Variants in ALDH5A1 observed in about 807,000 individuals in gnomAD.
ALDH5A1 encodes aldehyde dehydrogenase 5 family member A1, also known as succinate-semialdehyde dehydrogenase, mitochondrial.
In ALDH5A1, 33 loss-of-function variants were observed where a neutral mutation model predicts 54.7. The ratio of observed to expected loss-of-function variants is 0.60; its 90% CI spans 0.46 to 0.81. The LOEUF (loss-of-function observed/expected upper bound fraction) is 0.81. Among genes scored for constraint, ALDH5A1 ranks in the 30% least tolerant of loss-of-function variants. The pLI, the probability that ALDH5A1 is intolerant of heterozygous loss-of-function variation, is 0.00. For missense variants in ALDH5A1, 657 were observed against 711.0 expected (o/e 0.92, Z 0.86); for synonymous variants, 294 against 292.7 (o/e 1.00, Z -0.05).
At chr6:24,511,608 T>C (rs1759462508) in intron 4 of ALDH5A1, among the ~76,000 whole-genome samples, 1 of 152,034 alleles carries the variant, frequency 6.6e-6, no homozygotes, top group South Asian at 2.1e-4. Context: ...TGTTCAATTC[T>C]ATTGCTGAGG....
chr6:24,527,558 C>T (rs770370607), intron 7 of ALDH5A1, among the ~76,000 whole-genome samples: 5 of 151,724 alleles, frequency 3.3e-5, no homozygotes, highest in East Asian at 1.9e-4. Flanking sequence ...GGTGACAGAG[C>T]GAGATTCCAT....
chr6:24,517,542 C>T (rs886500896), intron 5 of ALDH5A1, among the ~76,000 whole-genome samples: 3 of 152,196 alleles, frequency 2.0e-5, no homozygotes, highest in South Asian at 4.1e-4. Flanking sequence ...TGGGAGAAAG[C>T]GTTGTAAATC....
intron 4 of ALDH5A1, among the ~76,000 whole-genome samples, chr6:24,508,001 G>C (rs1040308380): frequency 1.3e-5 from 2 of 151,822 alleles, no homozygotes; most frequent in Non-Finnish European, 2.9e-5. Flanking sequence ...CTTCCTCACA[G>C]CTTAGCTCCC....
At chr6:24,531,168 A>G (rs1759929658) in intron 8 of ALDH5A1, among the ~76,000 whole-genome samples, 1 of 152,206 alleles carries the variant, frequency 6.6e-6, no homozygotes, top group Admixed American at 6.5e-5. Flanking sequence ...AGGACCAGAA[A>G]TCTTTCTTAT....
rs552179527 is a variant in ALDH5A1 at position 24,518,924 on chromosome 6, A to C, written c.871-1477A>C. On this transcript the variant is annotated intron_variant, in intron 5 of 9. Coordinates refer to ENST00000357578, the MANE Select transcript of ALDH5A1 (RefSeq NM_001080.3). The surrounding 1 kb of genome is among the most constrained non-coding windows in gnomAD (Gnocchi z 4.2). ...AGCCATGACTAGACAAAGACCTACT[A>C]TCCTTAATAAAGCATTTAAACATCC... Among the ~76,000 whole-genome samples, 2 of 152,284 alleles carry C rather than the reference A, an allele frequency of 1.3e-5. No homozygotes were observed. The highest frequency in any genetic ancestry group is 1.9e-4 in the East Asian group (1 of 5,186).
chr6:24,506,023 G>T (rs1759338276), intron 4 of ALDH5A1, among the ~76,000 whole-genome samples: 1 of 151,372 alleles, frequency 6.6e-6, no homozygotes, highest in South Asian at 2.1e-4. Flanking sequence ...CCTCTGCTTT[G>T]CTTTTTCCCC....
intron 9 of ALDH5A1, among the ~76,000 whole-genome samples, chr6:24,532,695 T>G (rs898284416): frequency 1.3e-5 from 2 of 151,958 alleles, no homozygotes; most frequent in African/African-American, 2.4e-5. Context: ...GAAAATTATG[T>G]AATAGCATCC....
intron 4 of ALDH5A1, 65 bp from the exon 5 acceptor site, chr6:24,515,102 C>CTTTTTTTTTTTTTTTTTTTTTTTTTTT: frequency 5.4e-6 from 5 of 927,262 alleles, no homozygotes; most frequent in Non-Finnish European, 7.5e-6. Context: ...TTTCTCTTTT[C>CTTTTTTTTTTTTTTTTTTTTTTTTTTT]TTTTTTTTTT....
chr6:24,526,927 C>A (rs1294983615), intron 7 of ALDH5A1, among the ~76,000 whole-genome samples: 5 of 99,106 alleles, frequency 5.0e-5, no homozygotes, highest in Admixed American at 2.1e-4. Flanking sequence ...CTATATATAT[C>A]TACTATATAT....
At chr6:24,525,373 A>G (rs1174856059) in intron 7 of ALDH5A1, among the ~76,000 whole-genome samples, 1 of 152,096 alleles carries the variant, frequency 6.6e-6, no homozygotes, top group African/African-American at 2.4e-5. Context: ...ATGCACTCAC[A>G]CCTATATTTA....
At chr6:24,512,677 GTTTGT>G (rs145227937) in intron 4 of ALDH5A1, among the ~76,000 whole-genome samples, 25 of 151,962 alleles carry the variant, frequency 1.6e-4, no homozygotes, top group East Asian at 7.7e-4. Context: ...TTTTAATGTT[GTTTGT>G]TTTGTTTTGT....
chr6:24,514,156 T>A (rs1759516889), intron 4 of ALDH5A1, among the ~76,000 whole-genome samples: 2 of 152,352 alleles, frequency 1.3e-5, no homozygotes, highest in East Asian at 3.9e-4. Context: ...ATCAGGTAGC[T>A]GTGGGTTTGC....
Position 24,506,243 on chromosome 6 carries a change from C to CTTTTTTTTTTTTTTTTT in ALDH5A1, c.726+1272_726+1288dup, listed in dbSNP as rs70974913. Among the ~76,000 whole-genome samples the CTTTTTTTTTTTTTTTTT allele has an allele frequency of 3.1e-3, 162 of 52,162 alleles. 55 individuals carry two copies. Among genetic ancestry groups the CTTTTTTTTTTTTTTTTT allele is most frequent in the East Asian group, 5.7e-3 (7 of 1,238 alleles). 34.2% of individuals were successfully genotyped at this position (52,162 alleles called of 152,430 possible). ...TCTGCACCTCCTTCTTTCCTGGTTCCTTTTTTTTTTTTTTTTTTTTTTTTT... is the reference window on the plus strand; with the variant it reads ...TCTGCACCTCCTTCTTTCCTGGTTCCTTTTTTTTTTTTTTTTTTTTTTTTTTTTTTTTTTTTTTTTTT... On this transcript the variant is annotated intron_variant, in intron 4 of 9. Transcript: ENST00000357578.
chr6:24,505,509 T>C (rs1373244877), intron 4 of ALDH5A1, among the ~76,000 whole-genome samples: 4 of 152,036 alleles, frequency 2.6e-5, no homozygotes, highest in Admixed American at 2.6e-4. Context: ...TGGACCACTC[T>C]GGCCCCTGCC....
At chr6:24,508,361 CAAAAAAAAAAAAA>C (rs1214819272) in intron 4 of ALDH5A1, among the ~76,000 whole-genome samples, 1 of 13,064 alleles carries the variant, frequency 7.7e-5, no homozygotes, top group Admixed American at 8.0e-4. Flanking sequence ...ACTCCATCTC[CAAAAAAAAAAAAA>C]AAAAAAAAAA....
intron 3 of ALDH5A1, among the ~76,000 whole-genome samples, chr6:24,504,198 G>T (rs769495190): frequency 6.6e-6 from 1 of 152,026 alleles, no homozygotes; most frequent in Non-Finnish European, 1.5e-5. Context: ...TGCAAATGAG[G>T]TTAATATCAA....
intron 1 of ALDH5A1, among the ~76,000 whole-genome samples, chr6:24,497,468 C>T (rs561844787): frequency 2.9e-4 from 44 of 152,248 alleles, no homozygotes; most frequent in Non-Finnish European, 3.8e-4. Context: ...AGCTCCAGAT[C>T]GCTGATTGGT....
intron 4 of ALDH5A1, among the ~76,000 whole-genome samples, chr6:24,506,166 C>T (rs962226706): frequency 6.7e-5 from 10 of 149,748 alleles, no homozygotes; most frequent in South Asian, 2.1e-4. Flanking sequence ...ATAGAAACTT[C>T]GAATTCAAAT....
intron 4 of ALDH5A1, among the ~76,000 whole-genome samples, chr6:24,508,422 G>A (rs1367782441): frequency 5.1e-5 from 7 of 136,478 alleles, no homozygotes; most frequent in Non-Finnish European, 9.3e-5. Context: ...ATCTCATCCA[G>A]CCCACTGCAA....
Sources: gnomAD v4.1 joint callset for allele counts (sites outside exome capture counted in the v4.1 genomes callset) on GRCh38, gnomAD v4.1.1 for gene constraint, Gnocchi (gnomAD v3.1) non-coding constraint, MANE v1.5 for transcripts, NCBI Gene and HGNC (gene_info 2026-07-23, HGNC 2026-07-21) for gene names.